BIRC6: variants seen among roughly 807,000 people sequenced by gnomAD.
BIRC6 encodes the protein dual E2 ubiquitin-conjugating enzyme/E3 ubiquitin-protein ligase BIRC6.
BIRC6 carries 98 observed loss-of-function variants against 503.3 expected under a neutral mutation model. The observed-to-expected ratio is 0.19, with a 90% confidence interval of 0.17 to 0.23. The LOEUF (loss-of-function observed/expected upper bound fraction) is 0.23, where lower values mean the gene tolerates loss of function less well. BIRC6 is among the 10% of genes least tolerant of loss of function. The probability of loss-of-function intolerance (pLI) is 1.00; values close to 1 mark genes in which losing one functional copy is unlikely to be tolerated. For synonymous variants in BIRC6, 2,240 were observed against 2,078.7 expected (o/e 1.08, Z -2.11); for missense variants, 5,360 against 5,806.0 (o/e 0.92, Z 2.50).
rs2039298832 is a variant in BIRC6 at position 32,392,062 on chromosome 2, A to G, written c.863A>G (p.Asn288Ser). The change falls in exon 5 of 74, where the codon AAC becomes AGC. Residue 288 changes from asparagine to serine, a missense_variant. Transcript: ENST00000421745. ...VDRSLMYSEA[N>S]RRETFTSWPH... Reference sequence around the variant, plus strand: ...AGATCACTGATGTATAGTGAAGCTAACAGACGGGAGACATTTACCTCATGG... The same window carrying G: ...AGATCACTGATGTATAGTGAAGCTAGCAGACGGGAGACATTTACCTCATGG... The G allele has an allele frequency of 1.9e-6, 3 of 1,589,692 alleles. No individual in the cohort carries two copies. The highest frequency in any genetic ancestry group is 1.3e-5 in the African/African-American group (1 of 74,530).
intron 61 of BIRC6, among the ~76,000 whole-genome samples, chr2:32,540,249 G>A (rs1323466816): frequency 1.3e-5 from 2 of 151,888 alleles, no homozygotes; most frequent in Non-Finnish European, 2.9e-5. Flanking sequence ...TTCTTAAATT[G>A]GAGCATTTGA....
At chr2:32,441,300 T>C in intron 16 of BIRC6, 29 bp from the exon 17 acceptor site, 1 of 1,384,740 alleles carries the variant, frequency 7.2e-7, no homozygotes, top group Non-Finnish European at 9.8e-7. Context: ...GTTTATTTTT[T>C]AAAATTCATT....
chr2:32,469,896 G>A lies in BIRC6; in HGVS notation c.6348-272G>A, dbSNP rs527794797. On this transcript the variant is annotated intron_variant, in intron 30 of 73. Coordinates refer to ENST00000421745, the MANE Select transcript of BIRC6 (RefSeq NM_016252.4). ...GATTATGTTGCTTTATATGCTAAAT[G>A]TGTTTGTTTGTGGCTAATAAAATTC... Among the ~76,000 whole-genome samples, 8 of 152,218 alleles carry A rather than the reference G, an allele frequency of 5.3e-5. No homozygotes were observed. The East Asian group carries it at 1.5e-3, about 29-fold the overall frequency.
intron 10 of BIRC6, among the ~76,000 whole-genome samples, chr2:32,423,336 G>T (rs1022843826): frequency 3.3e-5 from 5 of 151,854 alleles, no homozygotes; most frequent in African/African-American, 1.2e-4. Flanking sequence ...TATTTTAACT[G>T]TTTTACAGCA....
chr2:32,403,881 A>T (rs929698532), intron 8 of BIRC6, among the ~76,000 whole-genome samples: 1 of 151,628 alleles, frequency 6.6e-6, no homozygotes, highest in African/African-American at 2.4e-5. Flanking sequence ...CTATGGGATT[A>T]TGGTAACATT....
At chr2:32,464,029 G>T (rs1018732992) in intron 24 of BIRC6, among the ~76,000 whole-genome samples, 1 of 152,170 alleles carries the variant, frequency 6.6e-6, no homozygotes, top group Non-Finnish European at 1.5e-5. Context: ...AGGTGGAACA[G>T]TTTCATCCCG....
chr2:32,585,754 T>C (rs758502929), intron 66 of BIRC6, among the ~76,000 whole-genome samples: 2 of 152,156 alleles, frequency 1.3e-5, no homozygotes, highest in Non-Finnish European at 2.9e-5. Context: ...AATAAGCCAA[T>C]CTGCCCTAAA....
At chr2:32,462,795 A>G (rs2048139415) in intron 23 of BIRC6, among the ~76,000 whole-genome samples, 1 of 151,962 alleles carries the variant, frequency 6.6e-6, no homozygotes, top group South Asian at 2.1e-4. Context: ...ATCTCTACTA[A>G]ACATACAAAA....
rs981505060 is a variant in BIRC6, at chr2:32,443,432, G to C, written c.4239-59G>C. 7 of 1,184,586 alleles carry C rather than the reference G, an allele frequency of 5.9e-6. No individual in the cohort carries two copies. The Middle Eastern group carries it at 1.4e-3, about 236-fold the overall frequency. The allele number at this position is 1,184,586 out of a possible 1,614,324, so 73.4% of individuals were successfully genotyped here. A position where few individuals can be genotyped will look rare whatever the true frequency, so the allele number is the denominator to read the frequency against. ...ATTTTTAGGTACCACACCAGGTTTA[G>C]GGTTGAATTTAGACCTTGAGTAATG... On this transcript the variant is annotated intron_variant, in intron 19 of 73. Coordinates refer to ENST00000421745, the MANE Select transcript of BIRC6 (RefSeq NM_016252.4).
In BIRC6 at chr2:32,499,845, T is replaced by C; in HGVS notation, c.8767T>C (p.Leu2923=). 6.2e-7 allele frequency: 1 copy of C among 1,614,060 alleles called. No homozygotes were observed. The highest frequency in any genetic ancestry group is 8.5e-7 in the Non-Finnish European group (1 of 1,179,900). ...MTRDQLMFDL[L]KLVNILVQLP... ...AAGAGATCAACTCATGTTTGATTTG[T>C]TAAAACTTGTTAACATTTTAGTGCA... is the stretch of plus-strand genomic sequence containing the variant. The change falls in exon 46 of 74, where the codon TTA becomes CTA. Residue 2923 remains leucine, a synonymous_variant. Coordinates refer to ENST00000421745, the MANE Select transcript of BIRC6 (RefSeq NM_016252.4).
At chr2:32,452,425 T>A (rs143110540) in intron 22 of BIRC6, among the ~76,000 whole-genome samples, 1 of 152,154 alleles carries the variant, frequency 6.6e-6, no homozygotes, top group Non-Finnish European at 1.5e-5. Context: ...CTATGGTAAA[T>A]ACCAGTAAAA....
chr2:32,474,872 A>G (rs1015427511), intron 33 of BIRC6, among the ~76,000 whole-genome samples: 5 of 152,164 alleles, frequency 3.3e-5, no homozygotes, highest in African/African-American at 1.2e-4. Flanking sequence ...AGTTTTTTTC[A>G]TCTATGGAGA....
chr2:32,567,157 A>G, intron 65 of BIRC6, among the ~76,000 whole-genome samples: 1 of 151,284 alleles, frequency 6.6e-6, no homozygotes, highest in East Asian at 1.9e-4. Flanking sequence ...TTTAGTAGAG[A>G]CTGGGTTTTG....
chr2:32,468,777 T>G lies in BIRC6; in HGVS notation c.6121T>G (p.Ser2041Ala). 6.3e-7 allele frequency: 1 copy of G among 1,588,464 alleles called. No homozygotes were observed. Residue 2041 changes from serine to alanine, a missense_variant, in exon 29 of 74, where the codon TCT becomes GCT. Coordinates refer to ENST00000421745, the MANE Select transcript of BIRC6 (RefSeq NM_016252.4). Reference sequence around the variant, plus strand: ...CACTTTGCTCAGCCTGCTTCATGCTTCTAATGGTTTGTATTTGGCTTACAT... The same window carrying G: ...CACTTTGCTCAGCCTGCTTCATGCTGCTAATGGTTTGTATTTGGCTTACAT... ...LDTLLSLLHA[S>A]NGHSVPAVLQ...
chr2:32,394,616 A>G (rs1202462451), intron 5 of BIRC6, among the ~76,000 whole-genome samples: 2 of 152,032 alleles, frequency 1.3e-5, no homozygotes, highest in Non-Finnish European at 2.9e-5. Flanking sequence ...AGGATCGCTT[A>G]AGCCCAGGAA....
Position 32,419,247 on chromosome 2 carries a change from C to T in BIRC6, c.2872+3084C>T, listed in dbSNP as rs963725890. ...TCAGACTGAATCAAATGGATGTGAC[C>T]CTGTCTTCTGAGTATATTCAAATAA... On this transcript the variant is annotated intron_variant, in intron 10 of 73. Coordinates refer to ENST00000421745, the MANE Select transcript of BIRC6 (RefSeq NM_016252.4). Among the ~76,000 whole-genome samples the T allele has an allele frequency of 7.2e-5, 11 of 152,066 alleles. No homozygotes were observed. The South Asian group carries it at 1.7e-3, about 23-fold the overall frequency.
chr2:32,532,369 C>A (rs905102748), intron 61 of BIRC6: 1 of 414,578 alleles, frequency 2.4e-6, no homozygotes, highest in Non-Finnish European at 4.8e-6. Flanking sequence ...CTTGCTTCTT[C>A]CTGGCTTCTA....
chr2:32,580,401 G>A (rs1441437933), intron 66 of BIRC6, among the ~76,000 whole-genome samples: 2 of 152,152 alleles, frequency 1.3e-5, no homozygotes, highest in African/African-American at 4.8e-5. Flanking sequence ...CAAGGGATTG[G>A]TGTCCCAAGG....
At chr2:32,437,243 G>C (rs1016086858) in intron 15 of BIRC6, among the ~76,000 whole-genome samples, 3 of 152,090 alleles carry the variant, frequency 2.0e-5, no homozygotes, top group African/African-American at 7.2e-5. Context: ...AATGATTTGA[G>C]TGTCATAAAC....
Sources: gnomAD v4.1 joint callset for allele counts (sites outside exome capture counted in the v4.1 genomes callset) on GRCh38, gnomAD v4.1.1 for gene constraint, MANE v1.5 for transcripts, NCBI Gene and HGNC (gene_info 2026-07-23, HGNC 2026-07-21) for gene names.